VPS13B: variants seen among roughly 807,000 people sequenced by gnomAD.
The protein encoded by VPS13B is intermembrane lipid transfer protein VPS13B.
VPS13B carries 285 observed loss-of-function variants against 426.4 expected under a neutral mutation model. The observed-to-expected ratio is 0.67, with a 90% CI of 0.61 to 0.74. The LOEUF is 0.74. Ranked by LOEUF, VPS13B falls within the 30% of genes least tolerant of loss-of-function variation. The probability of loss-of-function intolerance (pLI) is 0.00; values close to 1 mark genes in which losing one functional copy is unlikely to be tolerated. For missense variants in VPS13B, 4,537 were observed against 4,782.6 expected, an observed-to-expected ratio of 0.95 and a Z score of 1.51; for synonymous variants, 1,676 against 1,676.4, an observed-to-expected ratio of 1.00 and a Z score of 0.01.
At chr8:99,229,697 G>A (rs1032104133) in intron 17 of VPS13B, among the ~76,000 whole-genome samples, 14 of 152,096 alleles carry the variant, frequency 9.2e-5, no homozygotes, top group Non-Finnish European at 2.1e-4. Context: ...GGCCACTTTG[G>A]CTAAAGAATT....
At chr8:99,572,656 T>G (rs1377580499) in intron 31 of VPS13B, among the ~76,000 whole-genome samples, 2 of 152,270 alleles carry the variant, frequency 1.3e-5, no homozygotes, top group Non-Finnish European at 2.9e-5. Flanking sequence ...GGCTGCATAG[T>G]ATTCCATGGT....
At chr8:99,278,282 T>C (rs1404646281) in intron 19 of VPS13B, among the ~76,000 whole-genome samples, 1 of 151,850 alleles carries the variant, frequency 6.6e-6, no homozygotes, top group Non-Finnish European at 1.5e-5. Flanking sequence ...AGGAAGTGAG[T>C]TTTGAGAGGA....
chr8:99,190,716 A>G (rs562435011), intron 16 of VPS13B, among the ~76,000 whole-genome samples: 1 of 152,292 alleles, frequency 6.6e-6, no homozygotes, highest in East Asian at 1.9e-4. Context: ...GTCCTTGGCT[A>G]TTGACATTGT....
chr8:99,667,986 CA>C (rs914962877), intron 35 of VPS13B, among the ~76,000 whole-genome samples: 40 of 151,924 alleles, frequency 2.6e-4, no homozygotes, highest in Middle Eastern at 6.8e-3. Context: ...AAAAGCATTA[CA>C]AAAAAATAAT....
chr8:99,774,480 T>C (rs1222088815), intron 40 of VPS13B, among the ~76,000 whole-genome samples: 1 of 152,190 alleles, frequency 6.6e-6, no homozygotes, highest in African/African-American at 2.4e-5. Flanking sequence ...TAGCAACCTT[T>C]TGTAATATGT....
rs1811769234 is a variant in VPS13B, at chr8:99,163,120, G to A, written c.2208+6377G>A. Among the ~76,000 whole-genome samples, 5 of 152,028 alleles carry A rather than the reference G, an allele frequency of 3.3e-5. 1 individual carries two copies. The South Asian group carries it at 1.0e-3, about 32-fold the overall frequency. ...TGACTGGTGTGTTTACAAACCTTGA[G>A]CTAGATACAGAGTGCCGATTGGTGT... On this transcript the variant is annotated intron_variant, in intron 15 of 61. Transcript: ENST00000357162.
At position 99,274,218 on chromosome 8, in the gene VPS13B, C is replaced by T. The variant is rs934545731; in HGVS notation, c.2536C>T (p.Leu846=). The T allele has an allele frequency of 2.5e-6, 4 of 1,614,016 alleles. No individual in the cohort carries two copies. The African/African-American group carries it at 5.3e-5, about 22-fold the overall frequency. The part of the protein sequence containing the change: ...LSIGVKSKNP[L]PTLEGSIQNV... Reference sequence around the variant, plus strand: ...ATTAGGTGTGAAATCTAAGAATCCCCTGCCAACTCTTGAGGGCTCAATCCA... The same window carrying T: ...ATTAGGTGTGAAATCTAAGAATCCCTTGCCAACTCTTGAGGGCTCAATCCA... Residue 846 remains leucine (L), a synonymous_variant, in exon 18 of 62, where the codon CTG becomes TTG. Coordinates refer to ENST00000357162, the MANE Select transcript of VPS13B (RefSeq NM_152564.5).
At chr8:99,114,622 G>A (rs570068256) in intron 6 of VPS13B, among the ~76,000 whole-genome samples, 8 of 152,164 alleles carry the variant, frequency 5.3e-5, no homozygotes, top group Admixed American at 1.3e-4. Context: ...CTCATTCCCC[G>A]CTTTCTTACC....
chr8:99,503,478 G>C (rs2133614869), intron 27 of VPS13B, among the ~76,000 whole-genome samples: 1 of 152,260 alleles, frequency 6.6e-6, no homozygotes, highest in East Asian at 1.9e-4. Flanking sequence ...ATGCTGTTTA[G>C]TGGCATTTTA....
At chr8:99,650,702 A>G (rs1386933380) in intron 34 of VPS13B, among the ~76,000 whole-genome samples, 1 of 152,230 alleles carries the variant, frequency 6.6e-6, no homozygotes, top group Non-Finnish European at 1.5e-5. Context: ...AAGTTATGTG[A>G]ATGTGGTCTC....
intron 3 of VPS13B, among the ~76,000 whole-genome samples, chr8:99,080,397 A>G (rs897906428): frequency 6.6e-6 from 1 of 152,056 alleles, no homozygotes; most frequent in Non-Finnish European, 1.5e-5. Context: ...TTTAATTTAT[A>G]TCTTTTAATC....
At position 99,030,135 on chromosome 8, in the gene VPS13B, CTTTTTTTTT is replaced by C. The variant is rs58542671; in HGVS notation, c.148-8276_148-8268del. On this transcript the variant is annotated intron_variant, in intron 2 of 61. Coordinates refer to ENST00000357162, the MANE Select transcript of VPS13B (RefSeq NM_152564.5). ...TCTTCTGGATCTCCAAAAATACATG[CTTTTTTTTT>C]TTTTTTTTTTTACTTAATAGTATCC... Among the ~76,000 whole-genome samples the C allele has an allele frequency of 1.1e-4, 8 of 75,732 alleles. No homozygotes were observed. In the East Asian group the frequency reaches 1.2e-3, roughly 11 times the overall value. The allele number at this position is 75,732 out of a possible 152,430, so 49.7% of individuals were successfully genotyped here. A position where few individuals can be genotyped will look rare whatever the true frequency, so the allele number is the denominator to read the frequency against.
intron 3 of VPS13B, among the ~76,000 whole-genome samples, chr8:99,080,092 T>C (rs1845362526): frequency 6.6e-6 from 1 of 151,074 alleles, no homozygotes; most frequent in Non-Finnish European, 1.5e-5. Context: ...TAATGTTTCT[T>C]TTATTTTGTC....
chr8:99,793,254 C>CATATATATATATATATATATAT (rs779913773), intron 43 of VPS13B, among the ~76,000 whole-genome samples: 58 of 106,986 alleles, frequency 5.4e-4, no homozygotes, highest in African/African-American at 8.6e-4. Context: ...TTGCCCTCTC[C>CATATATATATATATATATATAT]ATATATATAT....
At chr8:99,125,633 G>C (rs1172310554) in intron 8 of VPS13B, among the ~76,000 whole-genome samples, 1 of 152,164 alleles carries the variant, frequency 6.6e-6, no homozygotes, top group Non-Finnish European at 1.5e-5. Context: ...AGGATACAGG[G>C]GAGTTGAGTT....
At chr8:99,868,266 A>G (rs755341021) in intron 58 of VPS13B, 23 bp from the exon 59 acceptor site, 1 of 1,614,022 alleles carries the variant, frequency 6.2e-7, no homozygotes, top group South Asian at 1.1e-5. Context: ...CTCTGTCCTT[A>G]CTGAGGGCTT....
chr8:99,164,031 C>T (rs962241523), intron 15 of VPS13B, among the ~76,000 whole-genome samples: 1 of 152,178 alleles, frequency 6.6e-6, no homozygotes, highest in Non-Finnish European at 1.5e-5. Context: ...TAGCTACTTC[C>T]TGCTGGATAG....
chr8:99,118,547 C>A (rs950409013), intron 7 of VPS13B, among the ~76,000 whole-genome samples: 2 of 152,166 alleles, frequency 1.3e-5, no homozygotes, highest in African/African-American at 2.4e-5. Flanking sequence ...TCCCCTTTCA[C>A]CTGCCTGCCT....
chr8:99,532,478 T>C (rs945000200), intron 30 of VPS13B, among the ~76,000 whole-genome samples: 2 of 152,106 alleles, frequency 1.3e-5, no homozygotes, highest in African/African-American at 4.8e-5. Flanking sequence ...AAATTTTACC[T>C]TTAAAGAATT....
Sources: gnomAD v4.1 joint callset for allele counts (sites outside exome capture counted in the v4.1 genomes callset) on GRCh38, gnomAD v4.1.1 for gene constraint, MANE v1.5 for transcripts, NCBI Gene and HGNC (gene_info 2026-07-23, HGNC 2026-07-21) for gene names.